MVP: variants seen among roughly 807,000 people sequenced by gnomAD.
MVP encodes the protein lung resistance-related protein.
MVP carries 62 observed loss-of-function variants against 83.5 expected under a neutral mutation model. The observed-to-expected ratio is 0.74, with a 90% CI of 0.61 to 0.92. The LOEUF is 0.92. MVP is among the 40% of genes least tolerant of loss of function. MVP has a pLI of 0.00. For missense variants in MVP, 1,000 were observed against 1,203.4 expected (o/e 0.83, Z 2.50); for synonymous variants, 505 against 504.1 (o/e 1.00, Z -0.02).
rs1424083434 is a variant in MVP at position 29,846,170 on chromosome 16, G to A, written c.2151G>A (p.Glu717=). The A allele has an allele frequency of 6.2e-7, 1 of 1,611,024 alleles. No homozygotes were observed. The highest frequency in any genetic ancestry group is 8.5e-7 in the Non-Finnish European group (1 of 1,178,716). Residue 717 remains glutamate (E), a synonymous_variant, in exon 13 of 15, where the codon GAG becomes GAA. Coordinates refer to ENST00000357402, the MANE Select transcript of MVP (RefSeq NM_005115.5). ...GCCTTCTCCCCAGCATGGCCGTGGAGAGCACCGGGACTGCCAAGGCGGAGG... is the reference window on the plus strand; with the variant it reads ...GCCTTCTCCCCAGCATGGCCGTGGAAAGCACCGGGACTGCCAAGGCGGAGG... ...LELEALSMAV[E]STGTAKAEAE...
intron 1 of MVP, among the ~76,000 whole-genome samples, chr16:29,827,367 GA>G (rs1279734553): frequency 1.3e-5 from 2 of 152,196 alleles, no homozygotes; most frequent in Non-Finnish European, 2.9e-5. Flanking sequence ...AGGCAGTGAG[GA>G]AACTATGTGA....
At position 29,841,082 on chromosome 16, in the gene MVP, C is replaced by G. The variant is rs754747265; in HGVS notation, c.1192-514C>G. ...GACCTCCTCCCTCATGCCCATATCC[C>G]GGTGGAATCTTTCATTTTTTTCTGC... is the stretch of plus-strand genomic sequence containing the variant. On this transcript the variant is annotated intron_variant, in intron 8 of 14. Coordinates refer to ENST00000357402, the MANE Select transcript of MVP (RefSeq NM_005115.5). This position sits in a 1 kb window ranked among gnomAD's most constrained non-coding sequence, Gnocchi z 4.7. Among the ~76,000 whole-genome samples the G allele has an allele frequency of 6.6e-6, 1 of 151,890 alleles. No individual in the cohort carries two copies. Among genetic ancestry groups the G allele is most frequent in the African/African-American group, 2.4e-5 (1 of 41,342 alleles).
chr16:29,843,846 A>G (rs879550683), intron 10 of MVP, among the ~76,000 whole-genome samples: 15 of 151,506 alleles, frequency 9.9e-5, no homozygotes, highest in Non-Finnish European at 1.5e-5. Context: ...GTTGCAGTGA[A>G]CCCAGATCGA....
chr16:29,823,629 G>C (rs568866401), intron 1 of MVP, among the ~76,000 whole-genome samples: 2 of 151,948 alleles, frequency 1.3e-5, no homozygotes, highest in Non-Finnish European at 2.9e-5. Context: ...CAAGGCAGGC[G>C]GATCACGAGG....
At chr16:29,829,321 C>CAAA (rs111710389) in intron 1 of MVP, among the ~76,000 whole-genome samples, 1 of 143,052 alleles carries the variant, frequency 7.0e-6, no homozygotes, top group African/African-American at 2.5e-5. Flanking sequence ...CTCATCTCTC[C>CAAA]AAAAAAAAAA....
chr16:29,840,380 TG>T lies in MVP; in HGVS notation c.1114del (p.Glu372ArgfsTer11). 6.3e-7 allele frequency: 1 copy of T among 1,597,960 alleles called. No homozygotes were observed. Among genetic ancestry groups the T allele is most frequent in the African/African-American group, 1.3e-5 (1 of 74,834 alleles). On this transcript the variant is annotated frameshift_variant, in exon 8 of 15. Coordinates refer to ENST00000357402, the MANE Select transcript of MVP (RefSeq NM_005115.5). LOFTEE classifies it high-confidence loss of function. Reference sequence around the variant, plus strand: ...CTGGAGTATGTGCCATCTGCCAAAGTGGAGGTGGTGGAGGAGCGCCAGGCCA... The same window carrying T: ...CTGGAGTATGTGCCATCTGCCAAAGTGAGGTGGTGGAGGAGCGCCAGGCCA... Reference protein sequence around the residue: ...GPLEYVPSAKVEVVEERQAIP... With the variant: ...GPLEYVPSAKXEVVEERQAIP...
Position 29,830,871 on chromosome 16 carries a change from C to T in MVP, c.126-7C>T. The T allele has an allele frequency of 6.2e-7, 1 of 1,606,968 alleles. No individual in the cohort carries two copies. The highest frequency in any genetic ancestry group is 8.5e-7 in the Non-Finnish European group (1 of 1,174,452). ...AGGTCCTCACACCTCTTCTCATCTTCCTGCAGGGTACTGTTTGCCCCCATG... is the reference window on the plus strand; with the variant it reads ...AGGTCCTCACACCTCTTCTCATCTTTCTGCAGGGTACTGTTTGCCCCCATG... On this transcript the variant is annotated splice_region_variant and splice_polypyrimidine_tract_variant and intron_variant, in intron 2 of 14. Coordinates refer to ENST00000357402, the MANE Select transcript of MVP (RefSeq NM_005115.5).
chr16:29,824,369 G>A (rs1267787365), intron 1 of MVP, among the ~76,000 whole-genome samples: 1 of 152,086 alleles, frequency 6.6e-6, no homozygotes, highest in Non-Finnish European at 1.5e-5. Context: ...AGTGGCTCTG[G>A]GGTGGGGCCC....
At chr16:29,826,573 G>A (rs1244661878) in intron 1 of MVP, among the ~76,000 whole-genome samples, 2 of 149,230 alleles carry the variant, frequency 1.3e-5, no homozygotes, top group Admixed American at 6.8e-5. Flanking sequence ...GCTACAGTGA[G>A]CTGTGATCAC....
chr16:29,827,072 C>A (rs990957063), intron 1 of MVP, among the ~76,000 whole-genome samples: 1 of 151,900 alleles, frequency 6.6e-6, no homozygotes, highest in Admixed American at 6.6e-5. Context: ...GAAGAAAAGA[C>A]AAGGTCCCCA....
At chr16:29,831,855 C>T in intron 3 of MVP, 1 of 382,564 alleles carries the variant, frequency 2.6e-6, no homozygotes. Context: ...CAGGCCTGGG[C>T]CTGAGCAGGT....
At chr16:29,823,256 G>T (rs1321311440) in intron 1 of MVP, among the ~76,000 whole-genome samples, 4 of 150,334 alleles carry the variant, frequency 2.7e-5, no homozygotes, top group Admixed American at 2.0e-4. Context: ...CTCCAAAGTA[G>T]CAGGGACCAC....
intron 7 of MVP, 46 bp from the exon 8 acceptor site, chr16:29,840,132 C>T (rs1016895489): frequency 2.6e-6 from 4 of 1,545,360 alleles, no homozygotes; most frequent in South Asian, 2.5e-5. Flanking sequence ...TTGGAAGCAC[C>T]CGCAACCCTA....
rs145249252 is a variant in MVP at position 29,841,915 on chromosome 16, C to A, written c.1437C>A (p.Arg479=). ...QVYDYREKRA[R]VVFGPELVSL... The stretch of plus-strand genomic sequence containing the variant: ...CTCTGACCCTCGGCTGTCTCTGCAG[C>A]GTGGTCTTCGGGCCTGAGCTGGTGT... Residue 479 remains arginine, a splice_region_variant and synonymous_variant, in exon 10 of 15, where the codon CGC becomes CGA. Coordinates refer to ENST00000357402, the MANE Select transcript of MVP (RefSeq NM_005115.5). The surrounding 1 kb of genome is among the most constrained non-coding windows in gnomAD (Gnocchi z 4.7). 1 of 1,612,106 alleles carries A rather than the reference C, an allele frequency of 6.2e-7. No homozygotes were observed. The highest frequency in any genetic ancestry group is 1.1e-5 in the South Asian group (1 of 91,076).
At position 29,846,291 on chromosome 16, in the gene MVP, G is replaced by A. The variant is rs190703840; in HGVS notation, c.2265+7G>A. On this transcript the variant is annotated splice_region_variant and intron_variant, in intron 13 of 14. Transcript: ENST00000357402. ...GGCCTTGGCCATTGAAACGGTGAGT[G>A]GGGGGAGGCATTAAGAAGAGGGTGG... 1 of 1,554,228 alleles carries A rather than the reference G, an allele frequency of 6.4e-7. No homozygotes were observed.
chr16:29,821,925 G>A (rs1431288962), intron 1 of MVP, among the ~76,000 whole-genome samples: 1 of 152,090 alleles, frequency 6.6e-6, no homozygotes. Flanking sequence ...CAGGAGTGGG[G>A]TTAAGAATTC....
chr16:29,829,750 G>C (rs2067428004), intron 1 of MVP: 1 of 152,260 alleles, frequency 6.6e-6, no homozygotes, highest in Non-Finnish European at 1.5e-5. Flanking sequence ...AGCTGAGGAT[G>C]GGAGAGAACT....
intron 1 of MVP, among the ~76,000 whole-genome samples, chr16:29,826,925 CAAAAAAAAAA>C (rs779179408): frequency 2.1e-4 from 15 of 70,890 alleles, no homozygotes; most frequent in Middle Eastern, 0.011. Flanking sequence ...GAGTCCATCT[CAAAAAAAAAA>C]AAAAAAAAAT....
At chr16:29,835,530 G>A (rs1384007809) in intron 5 of MVP, 174 bp from the exon 6 acceptor site, 3 of 464,964 alleles carry the variant, frequency 6.5e-6, no homozygotes, top group Non-Finnish European at 1.2e-5. Context: ...CTGGGGTGGG[G>A]GTTTGGCCTC....
Sources: allele counts gnomAD v4.1 joint callset (sites outside exome capture counted in the v4.1 genomes callset), GRCh38; gene constraint gnomAD v4.1.1; non-coding constraint Gnocchi (gnomAD v3.1); transcripts MANE v1.5; gene names NCBI Gene and HGNC (gene_info 2026-07-23, HGNC 2026-07-21).